MAP2: variants seen among roughly 807,000 people sequenced by gnomAD.
The protein encoded by MAP2 is microtubule-associated protein 2.
In MAP2, 14 loss-of-function variants were observed where a neutral mutation model predicts 137.6. The observed-to-expected ratio is 0.10, with a 90% CI of 0.07 to 0.16. The LOEUF (loss-of-function observed/expected upper bound fraction) is 0.16. MAP2 is among the 10% of genes least tolerant of loss of function. MAP2 has a pLI of 1.00. For synonymous variants in MAP2, 786 were observed against 782.3 expected, an observed-to-expected ratio of 1.00 and a Z score of -0.08; for missense variants, 2,088 against 2,191.5, an observed-to-expected ratio of 0.95 and a Z score of 0.94.
chr2:209,531,003 T>G (rs948689795), intron 2 of MAP2, among the ~76,000 whole-genome samples: 1 of 152,198 alleles, frequency 6.6e-6, no homozygotes, highest in Non-Finnish European at 1.5e-5. Flanking sequence ...ATGAATGAAA[T>G]ACAAATACAA....
chr2:209,598,012 T>C (rs1263720911), intron 3 of MAP2, among the ~76,000 whole-genome samples: 6 of 151,986 alleles, frequency 3.9e-5, no homozygotes, highest in Non-Finnish European at 8.8e-5. Context: ...TATTTATTTA[T>C]TTATTTTTTT....
chr2:209,719,206 CA>C (rs1370543079), intron 13 of MAP2, among the ~76,000 whole-genome samples: 1 of 152,104 alleles, frequency 6.6e-6, no homozygotes, highest in African/African-American at 2.4e-5. Flanking sequence ...CTTTCTGATA[CA>C]ACTCAGATGG....
intron 4 of MAP2, among the ~76,000 whole-genome samples, chr2:209,634,038 A>T (rs2093339937): frequency 6.6e-6 from 1 of 152,196 alleles, no homozygotes; most frequent in African/African-American, 2.4e-5. Flanking sequence ...GGACCAACCC[A>T]GAAGCTGGGC....
At chr2:209,441,039 A>G (rs1433816671) in intron 1 of MAP2, among the ~76,000 whole-genome samples, 2 of 151,570 alleles carry the variant, frequency 1.3e-5, no homozygotes, top group Non-Finnish European at 3.0e-5. Flanking sequence ...TTGTGTGCTA[A>G]AATCATCATT....
intron 1 of MAP2, among the ~76,000 whole-genome samples, chr2:209,425,903 A>G (rs984953803): frequency 6.6e-6 from 1 of 152,238 alleles, no homozygotes; most frequent in Non-Finnish European, 1.5e-5. Flanking sequence ...TAACCGGGCA[A>G]TAGGTGTATT....
At chr2:209,514,997 A>C (rs1000591290) in intron 2 of MAP2, among the ~76,000 whole-genome samples, 3 of 152,168 alleles carry the variant, frequency 2.0e-5, no homozygotes, top group Non-Finnish European at 4.4e-5. Context: ...TTTCTGAACT[A>C]AACTCTCCCA....
chr2:209,540,634 A>C (rs1167441153), intron 2 of MAP2, among the ~76,000 whole-genome samples: 2 of 110,990 alleles, frequency 1.8e-5, no homozygotes, highest in Non-Finnish European at 3.4e-5. Context: ...CCGTCTCAAA[A>C]AAAAAAAAAA....
intron 3 of MAP2, among the ~76,000 whole-genome samples, chr2:209,591,963 A>G (rs1240783033): frequency 1.3e-5 from 2 of 152,210 alleles, no homozygotes; most frequent in Admixed American, 1.3e-4. Context: ...ATTCAAAAAT[A>G]TATTTCCCTG....
At chr2:209,556,354 T>C (rs776099332) in intron 2 of MAP2, among the ~76,000 whole-genome samples, 13 of 152,176 alleles carry the variant, frequency 8.5e-5, no homozygotes, top group Non-Finnish European at 1.2e-4. Flanking sequence ...CCAGGCCTTC[T>C]TTCTTTTGAA....
intron 3 of MAP2, among the ~76,000 whole-genome samples, chr2:209,606,921 A>T (rs2084969727): frequency 6.6e-6 from 1 of 152,182 alleles, no homozygotes; most frequent in African/African-American, 2.4e-5. Context: ...AATGATATTA[A>T]ATATATCATT....
chr2:209,588,688 C>T (rs955980984), intron 3 of MAP2, among the ~76,000 whole-genome samples: 2 of 151,990 alleles, frequency 1.3e-5, no homozygotes, highest in Admixed American at 1.3e-4. Flanking sequence ...TAAGGTGAAG[C>T]ATGCAAGCGT....
chr2:209,625,327 T>G (rs551355694), intron 4 of MAP2, among the ~76,000 whole-genome samples, 198 bp downstream of exon 4: 2 of 152,160 alleles, frequency 1.3e-5, no homozygotes, highest in East Asian at 3.9e-4. Context: ...TTCATAGTGT[T>G]GAGTTGACTT....
chr2:209,526,521 A>G (rs1288203881), intron 2 of MAP2, among the ~76,000 whole-genome samples: 1 of 150,328 alleles, frequency 6.7e-6, no homozygotes, highest in African/African-American at 2.5e-5. Context: ...TTTTTTTTAA[A>G]GAGCACTCTA....
chr2:209,657,658 C>T (rs2041586376), intron 5 of MAP2, among the ~76,000 whole-genome samples: 1 of 151,526 alleles, frequency 6.6e-6, no homozygotes, highest in African/African-American at 2.4e-5. Flanking sequence ...GTTTGAATTC[C>T]TTAGTCCTTC....
chr2:209,599,486 G>A (rs1193623167), intron 3 of MAP2, among the ~76,000 whole-genome samples: 3 of 151,770 alleles, frequency 2.0e-5, no homozygotes, highest in Non-Finnish European at 2.9e-5. Context: ...TTTTAATTAG[G>A]CATTCATTTT....
chr2:209,665,336 C>G (rs1415283860), intron 5 of MAP2, among the ~76,000 whole-genome samples: 1 of 152,108 alleles, frequency 6.6e-6, no homozygotes, highest in Non-Finnish European at 1.5e-5. Context: ...TACATAGATA[C>G]AGAAAAATTT....
Position 209,653,507 on chromosome 2 carries a change from A to G in MAP2, c.262+75A>G, listed in dbSNP as rs73072876. ...CAGTTTAGTCTGAAAGTGAATTAAT[A>G]TACAGCACTGATCCTCTTTCACTAG... On this transcript the variant is annotated intron_variant, in intron 5 of 15. Coordinates refer to ENST00000682079, the MANE Select transcript of MAP2 (RefSeq NM_001375505.1). 4,914 of 1,440,188 alleles carry G rather than the reference A, an allele frequency of 3.4e-3. 154 individuals carry two copies. In the African/African-American group the frequency reaches 0.063, roughly 18 times the overall value. 89.2% of individuals were successfully genotyped at this position (1,440,188 alleles called of 1,614,324 possible). A position where few individuals can be genotyped will look rare whatever the true frequency, so the allele number is the denominator to read the frequency against.
At chr2:209,615,581 G>A (rs2088957796) in intron 3 of MAP2, among the ~76,000 whole-genome samples, 1 of 152,148 alleles carries the variant, frequency 6.6e-6, no homozygotes, top group South Asian at 2.1e-4. Context: ...ATAACTTTAT[G>A]TAATCCTTAC....
At chr2:209,460,685 TTC>T (rs2149585642) in intron 1 of MAP2, among the ~76,000 whole-genome samples, 1 of 152,152 alleles carries the variant, frequency 6.6e-6, no homozygotes, top group African/African-American at 2.4e-5. Flanking sequence ...ATAACAAATT[TTC>T]TCTTTCTTCT....
Sources: allele counts gnomAD v4.1 joint callset (sites outside exome capture counted in the v4.1 genomes callset), GRCh38; gene constraint gnomAD v4.1.1; transcripts MANE v1.5; gene names NCBI Gene and HGNC (gene_info 2026-07-23, HGNC 2026-07-21).